The following CCDC93 variants were observed in gnomAD, a reference collection of about 807,000 sequenced individuals.
CCDC93 encodes the protein coiled-coil domain-containing protein 93.
In CCDC93, 61 loss-of-function variants were observed where a neutral mutation model predicts 108.2. The observed-to-expected ratio is 0.56, with a 90% CI of 0.46 to 0.70. The LOEUF (loss-of-function observed/expected upper bound fraction) is 0.70, where lower values mean the gene tolerates loss of function less well. Among genes scored for constraint, CCDC93 ranks in the 30% least tolerant of loss-of-function variants. The probability of loss-of-function intolerance (pLI) is 0.00; values close to 1 mark genes in which losing one functional copy is unlikely to be tolerated. For missense variants in CCDC93, 685 were observed against 764.2 expected, an observed-to-expected ratio of 0.90 and a Z score of 1.22; for synonymous variants, 276 against 260.4, an observed-to-expected ratio of 1.06 and a Z score of -0.58.
chr2:117,984,190 CAAAAT>C (rs935556633), intron 7 of CCDC93, among the ~76,000 whole-genome samples: 2 of 152,052 alleles, frequency 1.3e-5, no homozygotes, highest in African/African-American at 2.4e-5. Context: ...GCTAAAAAAA[CAAAAT>C]AACATCTCTC....
At chr2:117,947,253 T>A (rs1678901584) in intron 15 of CCDC93, among the ~76,000 whole-genome samples, 1 of 152,194 alleles carries the variant, frequency 6.6e-6, no homozygotes, top group Admixed American at 6.5e-5. Context: ...CTCTGCCTCA[T>A]CAAGTACCTC....
rs1015929954 is a variant in CCDC93, at chr2:117,987,708, G to A, written c.520-1639C>T. Among the ~76,000 whole-genome samples, 3 of 151,952 alleles carry A rather than the reference G, an allele frequency of 2.0e-5. No homozygotes were observed. The East Asian group carries it at 5.8e-4, about 29-fold the overall frequency. ...TTTAATCCTGTAAAGATACTGGCTT[G>A]GTAACATAATTCCTTAAAAAATGTA... On this transcript the variant is annotated intron_variant, in intron 6 of 23. Transcript: ENST00000376300.
chr2:117,961,975 T>C (rs1377151545), intron 11 of CCDC93, among the ~76,000 whole-genome samples: 3 of 152,214 alleles, frequency 2.0e-5, no homozygotes, highest in Non-Finnish European at 4.4e-5. Flanking sequence ...CAAAACCACA[T>C]TGTGGATTAA....
intron 1 of CCDC93, among the ~76,000 whole-genome samples, chr2:118,009,625 C>CT (rs1676970896): frequency 6.6e-6 from 1 of 152,070 alleles, no homozygotes; most frequent in South Asian, 2.1e-4. Context: ...TGAGGTGAGA[C>CT]TGTGCCATTG....
intron 11 of CCDC93, among the ~76,000 whole-genome samples, chr2:117,963,865 A>G (rs531572570): frequency 6.6e-6 from 1 of 152,340 alleles, no homozygotes; most frequent in African/African-American, 2.4e-5. Flanking sequence ...GTGATGCTCA[A>G]ATCTGGCAAG....
chr2:117,927,108 T>C (rs1290367713), intron 23 of CCDC93, among the ~76,000 whole-genome samples: 1 of 152,130 alleles, frequency 6.6e-6, no homozygotes, highest in Non-Finnish European at 1.5e-5. Context: ...TAGGTATTGA[T>C]GGGATATATC....
At chr2:117,940,678 T>A (rs1678672971) in intron 19 of CCDC93, among the ~76,000 whole-genome samples, 1 of 152,096 alleles carries the variant, frequency 6.6e-6, no homozygotes, top group African/African-American at 2.4e-5. Flanking sequence ...GTGGCAGGAA[T>A]GTTAGGAAGA....
At chr2:117,932,461 G>A (rs1678372680) in intron 22 of CCDC93, among the ~76,000 whole-genome samples, 1 of 152,188 alleles carries the variant, frequency 6.6e-6, no homozygotes, top group African/African-American at 2.4e-5. Flanking sequence ...ATGCTGTTCA[G>A]AGAAAGACCC....
intron 11 of CCDC93, among the ~76,000 whole-genome samples, chr2:117,970,852 A>T (rs1399982479): frequency 2.0e-5 from 3 of 152,188 alleles, no homozygotes; most frequent in African/African-American, 7.2e-5. Context: ...TATGCTGGGA[A>T]GTCCCTTCAC....
chr2:117,921,192 A>AAG (rs1228772685), intron 23 of CCDC93, among the ~76,000 whole-genome samples: 2 of 151,740 alleles, frequency 1.3e-5, no homozygotes, highest in African/African-American at 4.8e-5. Context: ...AAAAAAAAAA[A>AAG]AAAGATAACC....
At chr2:117,977,482 C>A (rs1298112094) in intron 8 of CCDC93, among the ~76,000 whole-genome samples, 1 of 152,212 alleles carries the variant, frequency 6.6e-6, no homozygotes, top group African/African-American at 2.4e-5. Flanking sequence ...ACCTGTCCTG[C>A]TGCTGACAAT....
At chr2:117,993,054 G>A (rs1041740313) in intron 6 of CCDC93, among the ~76,000 whole-genome samples, 1 of 152,060 alleles carries the variant, frequency 6.6e-6, no homozygotes, top group Non-Finnish European at 1.5e-5. Context: ...TCTACCCAGG[G>A]CTCAGAGTGA....
At chr2:117,924,729 C>T (rs1310602311) in intron 23 of CCDC93, among the ~76,000 whole-genome samples, 1 of 152,202 alleles carries the variant, frequency 6.6e-6, no homozygotes, top group Admixed American at 6.5e-5. Context: ...AGGAGAACTT[C>T]CTCAATCTAG....
At chr2:117,929,166 C>T (rs571138606) in intron 23 of CCDC93, among the ~76,000 whole-genome samples, 125 of 152,190 alleles carry the variant, frequency 8.2e-4, no homozygotes, top group Non-Finnish European at 1.5e-3. Flanking sequence ...TGTTAAATGA[C>T]GAGTTAATGG....
intron 12 of CCDC93, among the ~76,000 whole-genome samples, chr2:117,956,891 A>AT (rs141216891): frequency 7.7e-5 from 11 of 142,976 alleles, no homozygotes; most frequent in African/African-American, 2.8e-4. Flanking sequence ...ACTGGTACCC[A>AT]TTTTTTTTTT....
At chr2:117,996,458 A>G (rs1680652626) in intron 4 of CCDC93, 96 bp from the exon 5 acceptor site, 1 of 802,776 alleles carries the variant, frequency 1.2e-6, no homozygotes, top group African/African-American at 1.7e-5. Context: ...AACTCAAATC[A>G]GCATAGTTGA....
intron 9 of CCDC93, 101 bp from the exon 10 acceptor site, chr2:117,975,001 T>C: frequency 8.8e-7 from 1 of 1,138,010 alleles, no homozygotes; most frequent in Non-Finnish European, 1.3e-6. Context: ...CAAGGGTGTC[T>C]TCCTTGATCT....
intron 11 of CCDC93, among the ~76,000 whole-genome samples, chr2:117,966,420 T>C (rs978046903): frequency 6.6e-6 from 1 of 152,216 alleles, no homozygotes; most frequent in African/African-American, 2.4e-5. Flanking sequence ...GCAGGGCCAT[T>C]TGAGTCCCCC....
Position 118,005,635 on chromosome 2 carries a change from T to C in CCDC93, c.251+1087A>G, listed in dbSNP as rs569442544. Among the ~76,000 whole-genome samples, 4 of 151,810 alleles carry C rather than the reference T, an allele frequency of 2.6e-5. No individual in the cohort carries two copies. In the East Asian group the frequency reaches 5.8e-4, roughly 22 times the overall value. On this transcript the variant is annotated intron_variant, in intron 3 of 23. Transcript: ENST00000376300. ...AGCTGGGCGTGGTGGTGTATGCCTGTGGCTCTAGCTACACAGGAAGCTGAG... is the reference window on the plus strand; with the variant it reads ...AGCTGGGCGTGGTGGTGTATGCCTGCGGCTCTAGCTACACAGGAAGCTGAG...
Sources: gnomAD v4.1 joint callset for allele counts (sites outside exome capture counted in the v4.1 genomes callset) on GRCh38, gnomAD v4.1.1 for gene constraint, MANE v1.5 for transcripts, NCBI Gene and HGNC (gene_info 2026-07-23, HGNC 2026-07-21) for gene names.